The following ATXN7L1 variants were observed in gnomAD, a reference collection of about 807,000 sequenced individuals.
ATXN7L1 encodes the protein ataxin 7 like 1.
Under a neutral mutation model 70.8 loss-of-function variants are expected in ATXN7L1, and 15 were observed. The ratio of observed to expected loss-of-function variants is 0.21; its 90% CI spans 0.14 to 0.33. The LOEUF is 0.33. Among genes scored for constraint, ATXN7L1 ranks in the 10% least tolerant of loss-of-function variants. ATXN7L1 has a pLI of 1.00. For synonymous variants in ATXN7L1, 440 were observed against 445.1 expected (o/e 0.99, Z 0.14); for missense variants, 975 against 1,097.1 (o/e 0.89, Z 1.57).
chr7:105,663,971 C>T (rs1369758851), intron 4 of ATXN7L1, among the ~76,000 whole-genome samples: 3 of 151,936 alleles, frequency 2.0e-5, no homozygotes, highest in Non-Finnish European at 4.4e-5. Context: ...GGTTTCGCCA[C>T]GTTGGTCAGG....
chr7:105,660,668 C>T (rs750009032), intron 4 of ATXN7L1, among the ~76,000 whole-genome samples: 33 of 149,962 alleles, frequency 2.2e-4, no homozygotes, highest in African/African-American at 6.9e-4. Flanking sequence ...CTGCAACCTC[C>T]GCCTCCAGGG....
In ATXN7L1 at chr7:105,620,298, G is replaced by T. The variant is rs1794730686; in HGVS notation, c.1419C>A (p.Leu473=). ...CAAACACATAGTACCCTCGTCCCAT[G>T]AGGCGACTCCCAAATGAGCAAAACT... ...PLAFCSFGSR[L]MGRGYYVFDR... is the part of the protein sequence containing the mutation. Residue 473 remains leucine (L), a synonymous_variant, in exon 9 of 12, where the codon CTC becomes CTA. Transcript: ENST00000419735. The T allele has an allele frequency of 6.5e-7, 1 of 1,550,194 alleles. No homozygotes were observed. The highest frequency in any genetic ancestry group is 8.7e-7 in the Non-Finnish European group (1 of 1,146,590).
intron 2 of ATXN7L1, among the ~76,000 whole-genome samples, chr7:105,823,365 G>A (rs7793403): frequency 0.98 from 149,149 of 152,294 alleles, 73,066 homozygotes; most frequent in East Asian, 1. Context: ...CAAACAGCAA[G>A]GGTTCAAGTA....
intron 11 of ATXN7L1, among the ~76,000 whole-genome samples, chr7:105,608,995 G>GA (rs1233010527): frequency 6.6e-6 from 1 of 152,090 alleles, no homozygotes; most frequent in Non-Finnish European, 1.5e-5. Flanking sequence ...ACTCCATTGA[G>GA]AAAATCATTT....
At chr7:105,826,275 T>G (rs1487736635) in intron 2 of ATXN7L1, among the ~76,000 whole-genome samples, 2 of 152,320 alleles carry the variant, frequency 1.3e-5, no homozygotes, top group East Asian at 3.9e-4. Flanking sequence ...AGAACTGGGT[T>G]CTGGCTCAAT....
intron 2 of ATXN7L1, among the ~76,000 whole-genome samples, chr7:105,835,048 T>A (rs1007415931): frequency 6.6e-6 from 1 of 150,546 alleles, no homozygotes; most frequent in African/African-American, 2.4e-5. Flanking sequence ...TCAAGCTGCA[T>A]GAATGCTGGG....
At chr7:105,790,534 T>C (rs1047929281) in intron 2 of ATXN7L1, among the ~76,000 whole-genome samples, 11 of 151,894 alleles carry the variant, frequency 7.2e-5, no homozygotes, top group Admixed American at 6.6e-5. Context: ...TGAGCCATGA[T>C]CACACCACTG....
intron 3 of ATXN7L1, among the ~76,000 whole-genome samples, chr7:105,736,276 A>G (rs1032247944): frequency 1.3e-5 from 2 of 152,232 alleles, no homozygotes; most frequent in African/African-American, 2.4e-5. Context: ...GTGTGCACAC[A>G]TTGCTATTTA....
intron 2 of ATXN7L1, among the ~76,000 whole-genome samples, chr7:105,839,519 T>C (rs1812896013): frequency 6.6e-6 from 1 of 152,212 alleles, no homozygotes; most frequent in African/African-American, 2.4e-5. Flanking sequence ...GAATGGTCCA[T>C]CTGGGGTGTC....
intron 3 of ATXN7L1, among the ~76,000 whole-genome samples, chr7:105,666,420 C>T (rs936023469): frequency 6.6e-6 from 1 of 152,264 alleles, no homozygotes; most frequent in African/African-American, 2.4e-5. Flanking sequence ...ACAGATCATT[C>T]TCTCTCCAGC....
chr7:105,874,719 A>T (rs1028425090), intron 2 of ATXN7L1, among the ~76,000 whole-genome samples: 1 of 152,224 alleles, frequency 6.6e-6, no homozygotes, highest in South Asian at 2.1e-4. Context: ...ATGATTGGGC[A>T]CAGAAAACCA....
intron 2 of ATXN7L1, among the ~76,000 whole-genome samples, chr7:105,852,611 C>T (rs537409183): frequency 8.9e-4 from 135 of 152,070 alleles, no homozygotes; most frequent in African/African-American, 2.6e-3. Context: ...AGGGCCCTTC[C>T]GCACACACAT....
intron 3 of ATXN7L1, among the ~76,000 whole-genome samples, chr7:105,703,546 C>A (rs1338565902): frequency 1.3e-5 from 2 of 152,142 alleles, no homozygotes; most frequent in African/African-American, 4.8e-5. Context: ...AAACTTGTGA[C>A]TTAGTATAAT....
At chr7:105,773,665 A>G (rs1802322608) in intron 3 of ATXN7L1, among the ~76,000 whole-genome samples, 1 of 152,090 alleles carries the variant, frequency 6.6e-6, no homozygotes, top group Non-Finnish European at 1.5e-5. Context: ...AAATCCCCCC[A>G]ATCAAAACCA....
rs190468008 is a variant in ATXN7L1 at position 105,871,697 on chromosome 7, C to T, written c.250+4115G>A. Among the ~76,000 whole-genome samples the T allele has an allele frequency of 8.5e-3, 1,199 of 141,138 alleles. 12 individuals are homozygous for T. The highest frequency in any genetic ancestry group is 0.012 in the Non-Finnish European group (793 of 66,678). The allele number at this position is 141,138 out of a possible 152,430, so 92.6% of individuals were successfully genotyped here. On this transcript the variant is annotated intron_variant, in intron 2 of 11. Transcript: ENST00000419735. ...TGCACTCCAGCCTGGGCAACAAGAG[C>T]GAGATTCTGTCTCAAAAAAAAAAAA...
chr7:105,608,149 G>T (rs944909078), intron 11 of ATXN7L1, among the ~76,000 whole-genome samples: 1 of 152,152 alleles, frequency 6.6e-6, no homozygotes, highest in Non-Finnish European at 1.5e-5. Flanking sequence ...CGAATGCCGC[G>T]GACATTCCTG....
chr7:105,726,106 T>G (rs920029655), intron 3 of ATXN7L1, among the ~76,000 whole-genome samples: 19 of 152,148 alleles, frequency 1.2e-4, no homozygotes, highest in Non-Finnish European at 2.6e-4. Context: ...TTTGCCACTT[T>G]GGCCAGGCTG....
intron 4 of ATXN7L1, among the ~76,000 whole-genome samples, chr7:105,651,908 TC>T (rs1386804577): frequency 6.6e-6 from 1 of 152,164 alleles, no homozygotes; most frequent in African/African-American, 2.4e-5. Flanking sequence ...TCTAGGCTGC[TC>T]CAATTTTCTG....
At chr7:105,746,645 C>T (rs1277904104) in intron 3 of ATXN7L1, among the ~76,000 whole-genome samples, 2 of 152,136 alleles carry the variant, frequency 1.3e-5, no homozygotes, top group African/African-American at 4.8e-5. Context: ...CTATTATATC[C>T]CCCAGGAAGT....
Sources: allele counts gnomAD v4.1 joint callset (sites outside exome capture counted in the v4.1 genomes callset), GRCh38; gene constraint gnomAD v4.1.1; transcripts MANE v1.5; gene names NCBI Gene and HGNC (gene_info 2026-07-23, HGNC 2026-07-21).